Variants in CA10 observed in about 807,000 individuals in gnomAD.
CA10 encodes the protein carbonic anhydrase 10 (inactive), also known as carbonic anhydrase-related protein 10.
A neutral mutation model predicts 44.2 loss-of-function variants in CA10; 14 were observed. That is an observed-to-expected ratio of 0.32 (90% CI 0.21 to 0.50). The LOEUF is 0.50. CA10 is among the 20% of genes least tolerant of loss of function. The probability of loss-of-function intolerance (pLI) is 0.99; values close to 1 mark genes in which losing one functional copy is unlikely to be tolerated. For missense variants in CA10, 350 were observed against 409.7 expected (o/e 0.85, Z 1.26); for synonymous variants, 159 against 141.6 (o/e 1.12, Z -0.87).
intron 3 of CA10, among the ~76,000 whole-genome samples, chr17:51,866,630 A>G (rs1979558486): frequency 6.6e-6 from 1 of 152,174 alleles, no homozygotes; most frequent in African/African-American, 2.4e-5. Context: ...ACTAACACTC[A>G]AGATACCCGC....
intron 2 of CA10, among the ~76,000 whole-genome samples, chr17:51,969,796 G>A (rs1156427919): frequency 6.6e-6 from 1 of 151,824 alleles, no homozygotes; most frequent in Non-Finnish European, 1.5e-5. Flanking sequence ...TAGGAAATAA[G>A]CAGAAAAGTC....
At position 51,649,247 on chromosome 17, in the gene CA10, T is replaced by C; in HGVS notation, c.569A>G (p.Asp190Gly). The C allele has an allele frequency of 6.2e-7, 1 of 1,611,238 alleles. No homozygotes were observed. Among genetic ancestry groups the C allele is most frequent in the Non-Finnish European group, 8.5e-7 (1 of 1,177,410 alleles). Residue 190 changes from aspartate (D) to glycine (G), a missense_variant, in exon 6 of 9, where the codon GAT becomes GGT. Transcript: ENST00000451037. The part of the protein sequence containing the change: ...VVVSIFIKVS[D>G]SSNPFLNRML... ...TCGATTAAGAAATGGGTTTGATGAATCAGAAACCTGGAGGAGAAAAGAAAA... is the reference window on the plus strand; with the variant it reads ...TCGATTAAGAAATGGGTTTGATGAACCAGAAACCTGGAGGAGAAAAGAAAA...
At chr17:52,098,719 G>T (rs528289143) in intron 1 of CA10, among the ~76,000 whole-genome samples, 2 of 152,144 alleles carry the variant, frequency 1.3e-5, no homozygotes, top group African/African-American at 2.4e-5. Flanking sequence ...ATACCTACCT[G>T]TTCCTCTACC....
At chr17:51,802,565 G>GAAAA (rs754344655) in intron 3 of CA10, among the ~76,000 whole-genome samples, 165 of 90,282 alleles carry the variant, frequency 1.8e-3, no homozygotes, top group African/African-American at 3.8e-3. Flanking sequence ...CCTGATGTCT[G>GAAAA]AAAAAAAAAA....
At chr17:51,817,764 T>C (rs1907621621) in intron 3 of CA10, among the ~76,000 whole-genome samples, 1 of 152,034 alleles carries the variant, frequency 6.6e-6, no homozygotes, top group African/African-American at 2.4e-5. Flanking sequence ...TCCCTTCATA[T>C]CGGTAGGTAG....
chr17:51,902,760 C>G (rs894588552), intron 3 of CA10, among the ~76,000 whole-genome samples: 1 of 152,148 alleles, frequency 6.6e-6, no homozygotes, highest in Non-Finnish European at 1.5e-5. Flanking sequence ...CCAGTTGTAT[C>G]CCACCTTTTA....
At chr17:51,777,111 C>T (rs1905851640) in intron 3 of CA10, among the ~76,000 whole-genome samples, 1 of 152,176 alleles carries the variant, frequency 6.6e-6, no homozygotes, top group African/African-American at 2.4e-5. Context: ...AGAGAGAAAT[C>T]AAATATGATT....
chr17:51,874,829 C>T (rs1298001387), intron 3 of CA10, among the ~76,000 whole-genome samples: 2 of 152,122 alleles, frequency 1.3e-5, no homozygotes, highest in Non-Finnish European at 2.9e-5. Flanking sequence ...GTCTGTTTTA[C>T]CCAAGGCTAT....
At chr17:51,928,271 G>A (rs1251532877) in intron 3 of CA10, among the ~76,000 whole-genome samples, 1 of 152,022 alleles carries the variant, frequency 6.6e-6, no homozygotes, top group Admixed American at 6.6e-5. Context: ...CATTTTGACT[G>A]CAACCTGTCA....
intron 3 of CA10, among the ~76,000 whole-genome samples, chr17:51,794,281 C>T (rs1200925442): frequency 6.6e-6 from 1 of 152,180 alleles, no homozygotes; most frequent in African/African-American, 2.4e-5. Context: ...CATGTATAGA[C>T]AGGGGTGTAA....
chr17:51,811,718 C>G, intron 3 of CA10, among the ~76,000 whole-genome samples: 1 of 152,156 alleles, frequency 6.6e-6, no homozygotes, highest in East Asian at 1.9e-4. Context: ...CAAGTCTTTG[C>G]TATTGTGAAT....
chr17:51,720,152 T>TAG (rs1455066216), intron 4 of CA10, among the ~76,000 whole-genome samples: 1 of 152,224 alleles, frequency 6.6e-6, no homozygotes, highest in African/African-American at 2.4e-5. Context: ...CTGGAATATG[T>TAG]AGGCAGGAGG....
At chr17:51,857,224 T>C (rs1488761873) in intron 3 of CA10, among the ~76,000 whole-genome samples, 1 of 152,222 alleles carries the variant, frequency 6.6e-6, no homozygotes, top group African/African-American at 2.4e-5. Context: ...TGTGATGTCC[T>C]TGCCAAAACC....
At chr17:51,779,479 G>A (rs1905959935) in intron 3 of CA10, among the ~76,000 whole-genome samples, 1 of 152,136 alleles carries the variant, frequency 6.6e-6, no homozygotes, top group South Asian at 2.1e-4. Context: ...AAAATATGCA[G>A]GTGTGCAAAT....
intron 3 of CA10, among the ~76,000 whole-genome samples, chr17:51,793,059 T>C (rs1450498174): frequency 6.6e-6 from 1 of 152,226 alleles, no homozygotes; most frequent in African/African-American, 2.4e-5. Flanking sequence ...TGGAGAAAAG[T>C]TGATTACTCC....
rs149094529 is a variant in CA10 at position 51,815,782 on chromosome 17, A to AGTGT, written c.280-67968_280-67965dup. 1.8e-3 allele frequency among the ~76,000 whole-genome samples: 275 copies of AGTGT among 150,494 alleles called. 1 individual carries two copies. The highest frequency in any genetic ancestry group is 2.8e-3 in the Admixed American group (42 of 15,100). On this transcript the variant is annotated intron_variant, in intron 3 of 8. Transcript: ENST00000451037. Reference sequence around the variant, plus strand: ...TTATTTTTAAGTTTTGCAGGTACACAGTGTGTGTGTGTGTGTGTGTATAAA... The same window carrying AGTGT: ...TTATTTTTAAGTTTTGCAGGTACACAGTGTGTGTGTGTGTGTGTGTGTGTATAAA...
intron 1 of CA10, among the ~76,000 whole-genome samples, chr17:52,140,165 G>A (rs1300339662): frequency 2.0e-5 from 3 of 152,098 alleles, no homozygotes; most frequent in Admixed American, 1.3e-4. Flanking sequence ...TTGCGGTGGT[G>A]GTTATAGGAC....
intron 3 of CA10, among the ~76,000 whole-genome samples, chr17:51,778,104 T>C (rs1347073925): frequency 6.6e-6 from 1 of 152,136 alleles, no homozygotes; most frequent in Non-Finnish European, 1.5e-5. Flanking sequence ...TGTTGACAAA[T>C]GATAGTAAAG....
intron 2 of CA10, among the ~76,000 whole-genome samples, chr17:51,987,238 A>G (rs1379610153): frequency 6.6e-6 from 1 of 152,078 alleles, no homozygotes; most frequent in East Asian, 1.9e-4. Context: ...AACCTGGATG[A>G]GATTGGAGAC....
Sources: gnomAD v4.1 joint callset for allele counts (sites outside exome capture counted in the v4.1 genomes callset) on GRCh38, gnomAD v4.1.1 for gene constraint, MANE v1.5 for transcripts, NCBI Gene and HGNC (gene_info 2026-07-23, HGNC 2026-07-21) for gene names.